The following CNTNAP5 variants were observed in gnomAD, a reference collection of about 807,000 sequenced individuals.
CNTNAP5 encodes contactin-associated protein-like 5.
CNTNAP5 carries 72 observed loss-of-function variants against 150.2 expected under a neutral mutation model. The ratio of observed to expected loss-of-function variants is 0.48; its 90% confidence interval spans 0.40 to 0.58. The LOEUF (loss-of-function observed/expected upper bound fraction) is 0.58, where lower values mean the gene tolerates loss of function less well. CNTNAP5 is among the 20% of genes least tolerant of loss of function. CNTNAP5 has a pLI of 0.00. For missense variants in CNTNAP5, 1,636 were observed against 1,626.2 expected (o/e 1.01, Z -0.10); for synonymous variants, 672 against 619.8 (o/e 1.08, Z -1.25).
At chr2:124,869,166 G>T (rs1298658362) in intron 20 of CNTNAP5, among the ~76,000 whole-genome samples, 1 of 152,124 alleles carries the variant, frequency 6.6e-6, no homozygotes, top group African/African-American at 2.4e-5. Context: ...AGGACCACAT[G>T]TTTTGTCAGA....
intron 1 of CNTNAP5, among the ~76,000 whole-genome samples, chr2:124,119,986 C>T (rs1683523021): frequency 6.6e-6 from 1 of 152,166 alleles, no homozygotes; most frequent in Non-Finnish European, 1.5e-5. Flanking sequence ...CTGGGTTCCA[C>T]CTCAGAGTAT....
chr2:124,106,373 G>A (rs1201975697), intron 1 of CNTNAP5, among the ~76,000 whole-genome samples: 1 of 152,200 alleles, frequency 6.6e-6, no homozygotes, highest in African/African-American at 2.4e-5. Flanking sequence ...CAAGTCCTAG[G>A]CATGGTTGGA....
At chr2:124,408,164 C>A (rs1323839692) in intron 3 of CNTNAP5, among the ~76,000 whole-genome samples, 2 of 152,178 alleles carry the variant, frequency 1.3e-5, no homozygotes, top group Admixed American at 6.5e-5. Context: ...CCGAATACTG[C>A]GCTTTTCCGA....
chr2:124,031,149 A>G (rs1438223570), intron 1 of CNTNAP5, among the ~76,000 whole-genome samples: 1 of 151,922 alleles, frequency 6.6e-6, no homozygotes, highest in Non-Finnish European at 1.5e-5. Flanking sequence ...ATACACACAC[A>G]CACACACACA....
At chr2:124,176,697 C>A (rs1685072165) in intron 1 of CNTNAP5, among the ~76,000 whole-genome samples, 1 of 152,084 alleles carries the variant, frequency 6.6e-6, no homozygotes, top group Admixed American at 6.5e-5. Context: ...GAGGGAAAAA[C>A]AGACAAGCAT....
intron 1 of CNTNAP5, among the ~76,000 whole-genome samples, chr2:124,046,941 G>A (rs1279579398): frequency 1.3e-5 from 2 of 152,120 alleles, no homozygotes; most frequent in African/African-American, 4.8e-5. Context: ...GGCCATTAAG[G>A]TCTCCAATTG....
Position 124,480,315 on chromosome 2 carries a change from A to G in CNTNAP5, c.1062+5433A>G, listed in dbSNP as rs1573402343. Among the ~76,000 whole-genome samples the G allele has an allele frequency of 7.2e-5, 11 of 152,376 alleles. 1 individual carries two copies. The South Asian group carries it at 2.3e-3, about 32-fold the overall frequency. On this transcript the variant is annotated intron_variant, in intron 7 of 23. Transcript: ENST00000682447. Reference sequence around the variant, plus strand: ...AAAGTGTTGCCTGATAGGCTTGGGTATAACAGATGTATTGAAGAGTAACAA... The same window carrying G: ...AAAGTGTTGCCTGATAGGCTTGGGTGTAACAGATGTATTGAAGAGTAACAA...
At chr2:124,259,740 A>C (rs1687405350) in intron 3 of CNTNAP5, among the ~76,000 whole-genome samples, 1 of 152,206 alleles carries the variant, frequency 6.6e-6, no homozygotes, top group Non-Finnish European at 1.5e-5. Context: ...GCAGAGAGCC[A>C]AATCATCAGT....
At position 124,688,494 on chromosome 2, in the gene CNTNAP5, T is replaced by C. The variant is rs151293853; in HGVS notation, c.2077+40536T>C. Among the ~76,000 whole-genome samples the C allele has an allele frequency of 1.6e-4, 24 of 152,122 alleles. No individual in the cohort carries two copies. In the East Asian group the frequency reaches 2.7e-3, roughly 17 times the overall value. On this transcript the variant is annotated intron_variant, in intron 13 of 23. Transcript: ENST00000682447. ...GATGACTATTTTAGAAAAAGGAAAA[T>C]GCAGAGGAGTGAGTCAGATAGAATG...
At chr2:124,432,404 G>A (rs951051558) in intron 4 of CNTNAP5, among the ~76,000 whole-genome samples, 40 of 152,108 alleles carry the variant, frequency 2.6e-4, no homozygotes, top group African/African-American at 9.2e-4. Context: ...CCTTTCCCTG[G>A]GGTAACTCCT....
At chr2:124,282,700 T>C (rs1174284657) in intron 3 of CNTNAP5, among the ~76,000 whole-genome samples, 1 of 152,088 alleles carries the variant, frequency 6.6e-6, no homozygotes, top group East Asian at 1.9e-4. Flanking sequence ...ATAAATACAT[T>C]AAATCAAATT....
intron 14 of CNTNAP5, among the ~76,000 whole-genome samples, chr2:124,748,170 T>C (rs1312517251): frequency 6.6e-6 from 1 of 152,162 alleles, no homozygotes; most frequent in African/African-American, 2.4e-5. Flanking sequence ...AGGAAATGTA[T>C]ATTTATTAAG....
chr2:124,687,002 T>C lies in CNTNAP5; in HGVS notation c.2077+39044T>C, dbSNP rs189485172. ...CACTAGCCCTGTGGGTGTAGAGCAC[T>C]TGAAATGCAGTCATTGCGAATGATC... On this transcript the variant is annotated intron_variant, in intron 13 of 23. Transcript: ENST00000682447. Among the ~76,000 whole-genome samples the C allele has an allele frequency of 8.3e-4, 127 of 152,208 alleles. 1 individual carries two copies. Among genetic ancestry groups the C allele is most frequent in the African/African-American group, 3.0e-3 (126 of 41,538 alleles).
In CNTNAP5 at chr2:124,724,963, T is replaced by C. The variant is rs1680125961; in HGVS notation, c.2078-22266T>C. On this transcript the variant is annotated intron_variant, in intron 13 of 23. Transcript: ENST00000682447. ...TTTTTTTAAAGGAGATTCCACTATATGAATTTCTCTAAGAAATTCTTCCCC... is the reference window on the plus strand; with the variant it reads ...TTTTTTTAAAGGAGATTCCACTATACGAATTTCTCTAAGAAATTCTTCCCC... Among the ~76,000 whole-genome samples, 2 of 147,712 alleles carry C rather than the reference T, an allele frequency of 1.4e-5. 1 individual carries two copies. The highest frequency in any genetic ancestry group is 5.0e-5 in the African/African-American group (2 of 40,120).
chr2:124,525,181 TC>T (rs1197067454), intron 9 of CNTNAP5, among the ~76,000 whole-genome samples: 1 of 152,222 alleles, frequency 6.6e-6, no homozygotes, highest in Non-Finnish European at 1.5e-5. Flanking sequence ...AAAGTATTTT[TC>T]ATTAAAAATT....
intron 7 of CNTNAP5, among the ~76,000 whole-genome samples, chr2:124,476,296 T>A (rs938672602): frequency 6.6e-6 from 1 of 152,188 alleles, no homozygotes; most frequent in Non-Finnish European, 1.5e-5. Context: ...AGGAGAAGGA[T>A]AGTTTGTTGC....
chr2:124,196,258 G>T lies in CNTNAP5; in HGVS notation c.83-25447G>T, dbSNP rs185415099. Among the ~76,000 whole-genome samples, 4 of 152,276 alleles carry T rather than the reference G, an allele frequency of 2.6e-5. No individual in the cohort carries two copies. In the East Asian group the frequency reaches 7.7e-4, roughly 29 times the overall value. On this transcript the variant is annotated intron_variant, in intron 1 of 23. Transcript: ENST00000682447. ...GCTAAGGGATAAGCATACTACAGTG[G>T]TTAAAAGCAAGGGACTGGAGTGGAT...
intron 14 of CNTNAP5, among the ~76,000 whole-genome samples, chr2:124,760,963 T>C (rs985171368): frequency 2.6e-5 from 4 of 152,110 alleles, no homozygotes; most frequent in Admixed American, 2.6e-4. Context: ...AACTAGGGTG[T>C]TGAGGTACAT....
intron 11 of CNTNAP5, among the ~76,000 whole-genome samples, chr2:124,604,481 A>G (rs1697057713): frequency 1.3e-5 from 2 of 152,146 alleles, no homozygotes; most frequent in African/African-American, 4.8e-5. Flanking sequence ...ACTTTGGGGC[A>G]CCCTAGGGAA....
Sources: gnomAD v4.1 joint callset for allele counts (sites outside exome capture counted in the v4.1 genomes callset) on GRCh38, gnomAD v4.1.1 for gene constraint, MANE v1.5 for transcripts, NCBI Gene and HGNC (gene_info 2026-07-23, HGNC 2026-07-21) for gene names.